Variants in TLCD4 observed in about 807,000 individuals in gnomAD.
TLCD4 encodes the protein TLC domain containing 4.
In TLCD4, 7 loss-of-function variants were observed where a neutral mutation model predicts 24.2. The ratio of observed to expected loss-of-function variants is 0.29; its 90% CI spans 0.16 to 0.54. TLCD4 has a LOEUF of 0.54. TLCD4 is among the 20% of genes least tolerant of loss of function. The pLI is 0.95. For synonymous variants in TLCD4, 103 were observed against 106.4 expected, an observed-to-expected ratio of 0.97 and a Z score of 0.20; for missense variants, 259 against 313.9, an observed-to-expected ratio of 0.82 and a Z score of 1.32.
At chr1:95,167,585 G>A (rs564354511) in intron 5 of TLCD4, among the ~76,000 whole-genome samples, 117 of 152,128 alleles carry the variant, frequency 7.7e-4, no homozygotes, top group African/African-American at 2.8e-3. Flanking sequence ...AAGGGTGGAA[G>A]GCTACCCTGA....
intron 5 of TLCD4, among the ~76,000 whole-genome samples, chr1:95,158,333 A>G (rs1335997520): frequency 6.6e-6 from 1 of 150,638 alleles, no homozygotes; most frequent in Non-Finnish European, 1.5e-5. Flanking sequence ...GACATTCGCC[A>G]CTTTACCTGG....
chr1:95,145,592 T>A (rs1677321649), intron 2 of TLCD4, among the ~76,000 whole-genome samples: 1 of 152,214 alleles, frequency 6.6e-6, no homozygotes, highest in Non-Finnish European at 1.5e-5. Flanking sequence ...TAAAAAATCT[T>A]TTCTAACATA....
At chr1:95,112,798 T>G (rs986200453), upstream of TLCD4, among the ~76,000 whole-genome samples, 10 of 152,200 alleles carry the variant, frequency 6.6e-5, no homozygotes, top group African/African-American at 2.4e-4. Context: ...GTTTGGGCAT[T>G]GGAAGATATT....
At chr1:95,147,490 A>G (rs1677384874) in intron 2 of TLCD4, among the ~76,000 whole-genome samples, 1 of 152,242 alleles carries the variant, frequency 6.6e-6, no homozygotes, top group Non-Finnish European at 1.5e-5. Flanking sequence ...TAGGTATTAT[A>G]AATGATACTT....
At chr1:95,107,239 C>T in the TLCD4 span, among the ~76,000 whole-genome samples, 3 of 152,184 alleles carry the variant, frequency 2.0e-5, no homozygotes, top group East Asian at 3.9e-4. Context: ...CTGGCTAACA[C>T]GGTGAAACCC....
chr1:95,165,728 A>G (rs1009512219), intron 5 of TLCD4, among the ~76,000 whole-genome samples: 15 of 152,174 alleles, frequency 9.9e-5, no homozygotes, highest in African/African-American at 3.4e-4. Flanking sequence ...GGCCTCCCAG[A>G]GTGCTGGGAT....
upstream of TLCD4, among the ~76,000 whole-genome samples, chr1:95,115,967 G>A (rs565798271): frequency 2.6e-5 from 4 of 152,156 alleles, no homozygotes; most frequent in East Asian, 1.9e-4. Context: ...TAGCTATTGC[G>A]CAAACCAAAG....
rs1678288688 is a variant in TLCD4 at position 95,173,212 on chromosome 1, A to G, written c.400-604A>G. Among the ~76,000 whole-genome samples the G allele has an allele frequency of 3.9e-5, 6 of 152,194 alleles. 1 individual carries two copies. The South Asian group carries it at 1.2e-3, about 31-fold the overall frequency. On this transcript the variant is annotated intron_variant, in intron 5 of 6. Transcript: ENST00000370203. ...GATAAGTGCTTTTTTGAGATTTTTA[A>G]GGTGCTTCCAGTTAGTAATGGATAT... is the stretch of plus-strand genomic sequence containing the variant.
At chr1:95,111,180 G>C in the TLCD4 span, among the ~76,000 whole-genome samples, 6,781 of 151,908 alleles carry the variant, frequency 0.045, 261 homozygotes, top group African/African-American at 0.098. Flanking sequence ...CACCTACCCA[G>C]CTACTCAGGA....
intron 1 of TLCD4, 137 bp from the exon 2 acceptor site, chr1:95,143,754 T>C: frequency 1.2e-6 from 1 of 863,820 alleles, no homozygotes; most frequent in Non-Finnish European, 1.5e-6. Context: ...AGGTCAAAAA[T>C]TCTTATAGTT....
intron 5 of TLCD4, 76 bp downstream of exon 5, chr1:95,151,495 A>T: frequency 6.6e-7 from 1 of 1,522,340 alleles, no homozygotes; most frequent in East Asian, 2.3e-5. Flanking sequence ...ACATAAATCT[A>T]AACATACAAT....
At chr1:95,108,509 A>G in the TLCD4 span, among the ~76,000 whole-genome samples, 1 of 152,072 alleles carries the variant, frequency 6.6e-6, no homozygotes, top group Non-Finnish European at 1.5e-5. Context: ...TTTTTTCTAG[A>G]GAGGAGGTCT....
chr1:95,157,429 CTG>C (rs1200014296), intron 5 of TLCD4, among the ~76,000 whole-genome samples: 2 of 152,168 alleles, frequency 1.3e-5, no homozygotes, highest in African/African-American at 4.8e-5. Context: ...ACTAATGGGA[CTG>C]TGTCAGAAGG....
intron 5 of TLCD4, among the ~76,000 whole-genome samples, chr1:95,173,533 C>G (rs1474836494): frequency 6.6e-6 from 1 of 152,140 alleles, no homozygotes; most frequent in East Asian, 1.9e-4. Flanking sequence ...ATTTGTTTAA[C>G]GTGACACAAC....
the TLCD4 span, among the ~76,000 whole-genome samples, chr1:95,103,686 A>G: frequency 6.6e-6 from 1 of 152,200 alleles, no homozygotes; most frequent in Non-Finnish European, 1.5e-5. Flanking sequence ...CCCATCCCCT[A>G]CAAATCAATT....
intron 5 of TLCD4, among the ~76,000 whole-genome samples, chr1:95,159,682 T>A (rs1298295465): frequency 4.6e-5 from 7 of 152,156 alleles, no homozygotes; most frequent in South Asian, 2.1e-4. Flanking sequence ...TAATTTTTGT[T>A]TAAGGTGTAA....
chr1:95,112,618 T>C (rs2100888793), upstream of TLCD4, among the ~76,000 whole-genome samples: 1 of 152,314 alleles, frequency 6.6e-6, no homozygotes, highest in South Asian at 2.1e-4. Flanking sequence ...TTCAAAATGC[T>C]GAGGGAAAAT....
intron 5 of TLCD4, chr1:95,163,176 T>C (rs1358406671): frequency 5.3e-5 from 8 of 152,224 alleles, no homozygotes; most frequent in African/African-American, 1.9e-4. Context: ...CATAGTCTCA[T>C]ATTTCTCAGA....
intron 5 of TLCD4, among the ~76,000 whole-genome samples, chr1:95,159,796 C>G (rs978206113): frequency 1.1e-4 from 16 of 152,022 alleles, no homozygotes; most frequent in Non-Finnish European, 1.8e-4. Flanking sequence ...TGTCAGGTTT[C>G]TCAAAGATCA....
Sources: gnomAD v4.1 joint callset for allele counts (sites outside exome capture counted in the v4.1 genomes callset) on GRCh38, gnomAD v4.1.1 for gene constraint, MANE v1.5 for transcripts, NCBI Gene and HGNC (gene_info 2026-07-23, HGNC 2026-07-21) for gene names.